The following RABEP1 variants were observed in gnomAD, a reference collection of about 807,000 sequenced individuals.
RABEP1 encodes the protein rabaptin, RAB GTPase binding effector protein 1, also known as rab GTPase-binding effector protein 1.
A neutral mutation model predicts 123.4 loss-of-function variants in RABEP1; 51 were observed. The observed-to-expected ratio is 0.41, with a 90% confidence interval of 0.33 to 0.52. RABEP1 has a LOEUF of 0.52. Among genes scored for constraint, RABEP1 ranks in the 20% least tolerant of loss-of-function variants. The probability of loss-of-function intolerance (pLI) is 0.16; values close to 1 mark genes in which losing one functional copy is unlikely to be tolerated. For missense variants in RABEP1, 888 were observed against 996.3 expected (o/e 0.89, Z 1.46); for synonymous variants, 347 against 355.2 (o/e 0.98, Z 0.26).
At position 5,383,515 on chromosome 17, in the gene RABEP1, C is replaced by CTCCAAGACAGATTT. The variant is rs1162440478; in HGVS notation, c.*295_*308dup. 1.6e-5 allele frequency: 6 copies of CTCCAAGACAGATTT among 371,538 alleles called. No homozygotes were observed. The highest frequency in any genetic ancestry group is 2.5e-5 in the Non-Finnish European group (5 of 200,986). 23.0% of individuals were successfully genotyped at this position (371,538 alleles called of 1,614,324 possible). On this transcript the variant is annotated 3_prime_UTR_variant, in exon 18 of 18. Coordinates refer to ENST00000537505, the MANE Select transcript of RABEP1 (RefSeq NM_004703.6). Reference sequence around the variant, plus strand: ...AAAGCGCTGTTTCCTTGCCTGCTTTCTCCAAGACAGATTTTCGGAACACAT... The same window carrying CTCCAAGACAGATTT: ...AAAGCGCTGTTTCCTTGCCTGCTTTCTCCAAGACAGATTTTCCAAGACAGATTTTCGGAACACAT...
intron 1 of RABEP1, among the ~76,000 whole-genome samples, chr17:5,307,112 A>G (rs2075186250): frequency 2.0e-5 from 3 of 152,168 alleles, no homozygotes; most frequent in South Asian, 2.1e-4. Flanking sequence ...TGAGGTCAAG[A>G]GTTAGAGACC....
At chr17:5,291,411 A>T (rs779688865) in intron 1 of RABEP1, among the ~76,000 whole-genome samples, 1 of 151,910 alleles carries the variant, frequency 6.6e-6, no homozygotes, top group Non-Finnish European at 1.5e-5. Flanking sequence ...GACTCCGTTT[A>T]AAAAAAAGAA....
chr17:5,376,667 T>C (rs142597374), intron 13 of RABEP1, among the ~76,000 whole-genome samples: 268 of 152,280 alleles, frequency 1.8e-3, no homozygotes, highest in African/African-American at 4.9e-3. Context: ...TAGTAAATGT[T>C]TGAATGAATG....
chr17:5,343,148 G>C (rs1403455633), intron 5 of RABEP1, among the ~76,000 whole-genome samples: 1 of 152,080 alleles, frequency 6.6e-6, no homozygotes, highest in East Asian at 1.9e-4. Flanking sequence ...GCTACTTGGG[G>C]GGCTGAGGCA....
intron 2 of RABEP1, among the ~76,000 whole-genome samples, chr17:5,326,734 T>A (rs1277916611): frequency 1.3e-5 from 2 of 151,830 alleles, no homozygotes; most frequent in Non-Finnish European, 2.9e-5. Flanking sequence ...TGTACAGGGG[T>A]GTGGGGCATA....
chr17:5,325,510 G>A (rs1412252113), intron 2 of RABEP1, among the ~76,000 whole-genome samples: 2 of 152,128 alleles, frequency 1.3e-5, no homozygotes, highest in Non-Finnish European at 1.5e-5. Context: ...TTGGTGGTAC[G>A]AAGGTCAGGG....
chr17:5,318,656 A>T (rs563401718), intron 2 of RABEP1, among the ~76,000 whole-genome samples: 1 of 152,296 alleles, frequency 6.6e-6, no homozygotes, highest in African/African-American at 2.4e-5. Context: ...CTGAGTCTCT[A>T]TTCTCTATAA....
chr17:5,356,163 A>C (rs1015822028), intron 8 of RABEP1, among the ~76,000 whole-genome samples: 7 of 152,198 alleles, frequency 4.6e-5, no homozygotes, highest in Admixed American at 4.6e-4. Flanking sequence ...TCTGAAGCCT[A>C]GCTAACATGG....
chr17:5,295,402 A>C (rs998803541), intron 1 of RABEP1, among the ~76,000 whole-genome samples: 1 of 151,760 alleles, frequency 6.6e-6, no homozygotes, highest in Non-Finnish European at 1.5e-5. Flanking sequence ...AAAAAAAAAA[A>C]AGTTATTTTT....
Position 5,384,892 on chromosome 17 carries a change from A to G in RABEP1, c.*1669A>G, listed in dbSNP as rs976718264. The stretch of plus-strand genomic sequence containing the variant: ...CAATCAATTTAAATTACGTAGGTTT[A>G]AGACTAGTCCCTTGGATAAGCCCCA... On this transcript the variant is annotated 3_prime_UTR_variant, in exon 18 of 18. Coordinates refer to ENST00000537505, the MANE Select transcript of RABEP1 (RefSeq NM_004703.6). 4.0e-5 allele frequency: 9 copies of G among 222,350 alleles called. No individual in the cohort carries two copies. The highest frequency in any genetic ancestry group is 5.4e-5 in the Non-Finnish European group (6 of 111,464). 13.8% of individuals were successfully genotyped at this position (222,350 alleles called of 1,614,324 possible). A position where few individuals can be genotyped will look rare whatever the true frequency, so the allele number is the denominator to read the frequency against.
chr17:5,336,585 T>A (rs1907111146), intron 4 of RABEP1: 1 of 404,254 alleles, frequency 2.5e-6, no homozygotes, highest in African/African-American at 2.2e-5. Context: ...TAATGACCTT[T>A]CTGTCATTTT....
chr17:5,385,150 A>G lies in RABEP1; in HGVS notation c.*1927A>G, dbSNP rs991250415. 1 of 229,664 alleles carries G rather than the reference A, an allele frequency of 4.4e-6. No individual in the cohort carries two copies. Among genetic ancestry groups the G allele is most frequent in the African/African-American group, 2.2e-5 (1 of 45,178 alleles). 14.2% of individuals were successfully genotyped at this position (229,664 alleles called of 1,614,324 possible). A position where few individuals can be genotyped will look rare whatever the true frequency, so the allele number is the denominator to read the frequency against. On this transcript the variant is annotated 3_prime_UTR_variant, in exon 18 of 18. Transcript: ENST00000537505. The stretch of plus-strand genomic sequence containing the variant: ...CAACTGTTGGAATTCACTTTATTGT[A>G]GAAAAACCCAAACTGAGACTCTTAA...
chr17:5,344,010 T>C (rs1907851484), intron 5 of RABEP1, among the ~76,000 whole-genome samples: 1 of 152,028 alleles, frequency 6.6e-6, no homozygotes, highest in Admixed American at 6.6e-5. Context: ...ATATTGACTG[T>C]GAAAGGAAAA....
At chr17:5,320,070 A>G (rs1363690201) in intron 2 of RABEP1, among the ~76,000 whole-genome samples, 1 of 152,134 alleles carries the variant, frequency 6.6e-6, no homozygotes, top group Non-Finnish European at 1.5e-5. Flanking sequence ...AAACCACCCC[A>G]AGGTATATAA....
chr17:5,368,536 T>C, intron 12 of RABEP1, 68 bp downstream of exon 12: 1 of 1,116,158 alleles, frequency 9.0e-7, no homozygotes, highest in Non-Finnish European at 1.3e-6. Context: ...TATCTTGACA[T>C]CATCTTTGAT....
chr17:5,324,695 A>G lies in RABEP1; in HGVS notation c.164-7254A>G, dbSNP rs1004419458. 6.6e-5 allele frequency among the ~76,000 whole-genome samples: 10 copies of G among 152,232 alleles called. 1 individual carries two copies. The highest frequency in any genetic ancestry group is 5.9e-4 in the Admixed American group (9 of 15,278). ...CATAAGGGATTAATAACTACAATGT[A>G]TGAAGAAGATTTGTTAAAGAAGCAA... On this transcript the variant is annotated intron_variant, in intron 2 of 17. Transcript: ENST00000537505.
At chr17:5,342,677 T>C (rs1223146853) in intron 5 of RABEP1, among the ~76,000 whole-genome samples, 1 of 152,042 alleles carries the variant, frequency 6.6e-6, no homozygotes, top group African/African-American at 2.4e-5. Flanking sequence ...TTCAATAGGG[T>C]TTAATTAGGA....
chr17:5,329,844 T>TAA (rs1555521124), intron 2 of RABEP1, among the ~76,000 whole-genome samples: 6 of 147,692 alleles, frequency 4.1e-5, no homozygotes, highest in Middle Eastern at 3.6e-3. Flanking sequence ...TATATATATA[T>TAA]AACTAAAGTT....
At chr17:5,330,509 A>C (rs1160153206) in intron 2 of RABEP1, among the ~76,000 whole-genome samples, 1 of 152,162 alleles carries the variant, frequency 6.6e-6, no homozygotes, top group African/African-American at 2.4e-5. Context: ...AAATTTATGC[A>C]AGAAAGTATT....
Sources: allele counts gnomAD v4.1 joint callset (sites outside exome capture counted in the v4.1 genomes callset), GRCh38; gene constraint gnomAD v4.1.1; transcripts MANE v1.5; gene names NCBI Gene and HGNC (gene_info 2026-07-23, HGNC 2026-07-21).